MTHFD2L: variants seen among roughly 807,000 people sequenced by gnomAD.
The protein encoded by MTHFD2L is bifunctional methylenetetrahydrofolate dehydrogenase/cyclohydrolase 2, mitochondrial.
Under a neutral mutation model 34.9 loss-of-function variants are expected in MTHFD2L, and 29 were observed. The observed-to-expected ratio is 0.83, with a 90% CI of 0.62 to 1.13. MTHFD2L has a LOEUF of 1.13. MTHFD2L is among the 50% of genes most tolerant of loss of function. The pLI, the probability that MTHFD2L is intolerant of heterozygous loss-of-function variation, is 0.00. For missense variants in MTHFD2L, 481 were observed against 446.5 expected, an observed-to-expected ratio of 1.08 and a Z score of -0.70; for synonymous variants, 167 against 155.7, an observed-to-expected ratio of 1.07 and a Z score of -0.54.
chr4:74,253,319 T>C (rs1743569900), intron 6 of MTHFD2L, among the ~76,000 whole-genome samples: 1 of 152,164 alleles, frequency 6.6e-6, no homozygotes, highest in African/African-American at 2.4e-5. Flanking sequence ...ATCTGCAAGA[T>C]TGCAAGATAG....
At chr4:74,211,975 A>G (rs1736402996) in intron 5 of MTHFD2L, among the ~76,000 whole-genome samples, 2 of 151,952 alleles carry the variant, frequency 1.3e-5, no homozygotes, top group African/African-American at 4.8e-5. Flanking sequence ...ATTTGTGTAG[A>G]GGTGTTTATA....
intron 6 of MTHFD2L, among the ~76,000 whole-genome samples, chr4:74,237,309 C>G (rs1005288722): frequency 6.6e-6 from 1 of 152,210 alleles, no homozygotes; most frequent in East Asian, 1.9e-4. Flanking sequence ...GCTTTTAGGA[C>G]TAGAAAACTC....
upstream of MTHFD2L, among the ~76,000 whole-genome samples, chr4:74,119,770 G>A (rs187261951): frequency 3.0e-3 from 453 of 151,932 alleles, 3 homozygotes; most frequent in African/African-American, 0.01. Context: ...GTGACAGAGC[G>A]AGACTCCATC....
At chr4:74,170,465 T>G (rs1460094440) in intron 1 of MTHFD2L, among the ~76,000 whole-genome samples, 5 of 152,196 alleles carry the variant, frequency 3.3e-5, no homozygotes, top group African/African-American at 1.2e-4. Flanking sequence ...AAACTGAATG[T>G]ATAACTTAGG....
chr4:74,210,201 C>A (rs1160909821), intron 5 of MTHFD2L, among the ~76,000 whole-genome samples: 1 of 152,138 alleles, frequency 6.6e-6, no homozygotes, highest in African/African-American at 2.4e-5. Flanking sequence ...TAATTACATC[C>A]CATTTATCAA....
At chr4:74,188,298 G>A (rs1731725169) in intron 3 of MTHFD2L, among the ~76,000 whole-genome samples, 2 of 152,212 alleles carry the variant, frequency 1.3e-5, no homozygotes, top group African/African-American at 4.8e-5. Flanking sequence ...CACGGTGCCA[G>A]CATGGTTGGG....
At chr4:74,250,780 A>G (rs977012408) in intron 6 of MTHFD2L, among the ~76,000 whole-genome samples, 3 of 152,136 alleles carry the variant, frequency 2.0e-5, no homozygotes, top group African/African-American at 7.2e-5. Context: ...CTGTTTGCCT[A>G]CAACACACAT....
At chr4:74,215,643 C>A (rs1021057640) in intron 5 of MTHFD2L, among the ~76,000 whole-genome samples, 1 of 151,734 alleles carries the variant, frequency 6.6e-6, no homozygotes, top group Non-Finnish European at 1.5e-5. Flanking sequence ...TCCTATTTGG[C>A]CATCTTGCCA....
Position 74,199,960 on chromosome 4 carries a change from G to C in MTHFD2L, c.604+14G>C, listed in dbSNP as rs752444935. 1.4e-5 allele frequency: 23 copies of C among 1,613,520 alleles called. No individual in the cohort carries two copies. Among genetic ancestry groups the C allele is most frequent in the Admixed American group, 5.0e-5 (3 of 59,966 alleles). On this transcript the variant is annotated intron_variant, in intron 4 of 7. Coordinates refer to ENST00000325278, the MANE Select transcript of MTHFD2L (RefSeq NM_001144978.3). ...TAAAAAGAACAGGTTGGTAATTTGT[G>C]GTCTGCAGGACATGGATGCTAGGTG...
chr4:74,301,673 C>A (rs778943724), intron 7 of MTHFD2L, 24 bp from the exon 8 acceptor site: 7 of 1,344,852 alleles, frequency 5.2e-6, no homozygotes, highest in East Asian at 2.4e-5. Context: ...TAAAGAATAT[C>A]TGTTTGTTTT....
intron 6 of MTHFD2L, among the ~76,000 whole-genome samples, chr4:74,225,702 AAAT>A (rs1237454873): frequency 6.6e-6 from 1 of 152,176 alleles, no homozygotes; most frequent in Non-Finnish European, 1.5e-5. Context: ...TGGTGCAGGT[AAAT>A]AATACATTGT....
At chr4:74,164,513 T>C (rs182425455) in intron 1 of MTHFD2L, among the ~76,000 whole-genome samples, 27 of 152,352 alleles carry the variant, frequency 1.8e-4, no homozygotes, top group African/African-American at 6.5e-4. Context: ...TCTGCTCTCA[T>C]AATGTTTCTG....
In MTHFD2L at chr4:74,201,442, T is replaced by C. The variant is rs1389708405; in HGVS notation, c.712+72T>C. ...TTCTTACATCATCAAGTAAACACTT[T>C]TGATAATGCAGCTTATTATATTTGT... On this transcript the variant is annotated intron_variant, in intron 5 of 7. Coordinates refer to ENST00000325278, the MANE Select transcript of MTHFD2L (RefSeq NM_001144978.3). 7 of 1,087,252 alleles carry C rather than the reference T, an allele frequency of 6.4e-6. No homozygotes were observed. The African/African-American group carries it at 7.8e-5, about 12-fold the overall frequency. 67.4% of individuals were successfully genotyped at this position (1,087,252 alleles called of 1,614,324 possible).
chr4:74,274,140 C>T (rs77576423), intron 6 of MTHFD2L, among the ~76,000 whole-genome samples: 2,819 of 152,212 alleles, frequency 0.019, 40 homozygotes, highest in Non-Finnish European at 0.03. Context: ...GCATAAGCCA[C>T]TACACCCAGC....
At chr4:74,123,663 T>C (rs563592694), upstream of MTHFD2L, among the ~76,000 whole-genome samples, 2 of 152,084 alleles carry the variant, frequency 1.3e-5, no homozygotes, top group African/African-American at 2.4e-5. Context: ...TAACTTAGAA[T>C]GCTTCAACAT....
At chr4:74,167,339 A>G (rs968347280) in intron 1 of MTHFD2L, among the ~76,000 whole-genome samples, 4 of 152,252 alleles carry the variant, frequency 2.6e-5, no homozygotes, top group African/African-American at 9.6e-5. Context: ...ATAGGCGCCT[A>G]CTTCTTCAAG....
chr4:74,273,303 G>A (rs565893562), intron 6 of MTHFD2L, among the ~76,000 whole-genome samples: 154 of 152,144 alleles, frequency 1.0e-3, no homozygotes, highest in Non-Finnish European at 1.3e-3. Flanking sequence ...CCAGAAGAAA[G>A]GGGGAACAAG....
At position 74,202,067 on chromosome 4, in the gene MTHFD2L, A is replaced by G. The variant is rs558173035; in HGVS notation, c.712+697A>G. ...TGACACACAGATATTCTGCTTTACC[A>G]GTCCAGCTGAGCATCTGGGCCGCTT... On this transcript the variant is annotated intron_variant, in intron 5 of 7. Transcript: ENST00000325278. Among the ~76,000 whole-genome samples, 40 of 152,350 alleles carry G rather than the reference A, an allele frequency of 2.6e-4. 1 individual carries two copies. Among genetic ancestry groups the G allele is most frequent in the Admixed American group, 1.5e-3 (23 of 15,300 alleles).
intron 1 of MTHFD2L, among the ~76,000 whole-genome samples, chr4:74,134,327 A>AC (rs1287980192): frequency 6.6e-6 from 1 of 152,122 alleles, no homozygotes; most frequent in Non-Finnish European, 1.5e-5. Context: ...CTGGGAACAC[A>AC]CCCGTGGCCG....
Sources: allele counts gnomAD v4.1 joint callset (sites outside exome capture counted in the v4.1 genomes callset), GRCh38; gene constraint gnomAD v4.1.1; transcripts MANE v1.5; gene names NCBI Gene and HGNC (gene_info 2026-07-23, HGNC 2026-07-21).